The following MAGI1 variants were observed in gnomAD, a reference collection of about 807,000 sequenced individuals.
MAGI1 encodes the protein membrane-associated guanylate kinase, WW and PDZ domain-containing protein 1.
MAGI1 carries 58 observed loss-of-function variants against 139.9 expected under a neutral mutation model. The ratio of observed to expected loss-of-function variants is 0.41; its 90% CI spans 0.34 to 0.52. The LOEUF is 0.52. Among genes scored for constraint, MAGI1 ranks in the 20% least tolerant of loss-of-function variants. The probability of loss-of-function intolerance (pLI) is 0.12; values close to 1 mark genes in which losing one functional copy is unlikely to be tolerated. For missense variants in MAGI1, 1,874 were observed against 1,901.6 expected, an observed-to-expected ratio of 0.99 and a Z score of 0.27; for synonymous variants, 812 against 737.9, an observed-to-expected ratio of 1.10 and a Z score of -1.63.
chr3:65,484,559 A>T (rs182839197), intron 3 of MAGI1, among the ~76,000 whole-genome samples: 2 of 152,260 alleles, frequency 1.3e-5, no homozygotes, highest in Admixed American at 1.3e-4. Flanking sequence ...GACATCCAGC[A>T]TATCTGATTT....
chr3:65,770,607 C>T (rs2037868276), intron 1 of MAGI1, among the ~76,000 whole-genome samples: 1 of 152,134 alleles, frequency 6.6e-6, no homozygotes, highest in Non-Finnish European at 1.5e-5. Context: ...ATGAAAGATG[C>T]TTTTAATAGG....
intron 2 of MAGI1, among the ~76,000 whole-genome samples, chr3:65,609,375 T>C (rs530349460): frequency 6.8e-4 from 104 of 152,022 alleles, no homozygotes; most frequent in Admixed American, 1.4e-3. Flanking sequence ...CCTCCCAGGT[T>C]CAAGCAGTTC....
intron 13 of MAGI1, among the ~76,000 whole-genome samples, chr3:65,394,396 G>A (rs1483756287): frequency 2.0e-5 from 3 of 151,992 alleles, no homozygotes; most frequent in Admixed American, 6.6e-5. Flanking sequence ...ACCTCAAACT[G>A]GAAAATAAAA....
intron 2 of MAGI1, among the ~76,000 whole-genome samples, chr3:65,573,437 C>G (rs1482802197): frequency 2.0e-5 from 3 of 151,746 alleles, no homozygotes; most frequent in Admixed American, 2.0e-4. Context: ...ATTTATCACA[C>G]TAATAAATTA....
At chr3:65,668,032 G>T (rs1282233447) in intron 1 of MAGI1, among the ~76,000 whole-genome samples, 1 of 152,156 alleles carries the variant, frequency 6.6e-6, no homozygotes, top group East Asian at 1.9e-4. Context: ...TTTTCTGAGA[G>T]ATAATAGTAT....
chr3:65,482,151 G>C (rs1951330812), intron 3 of MAGI1, among the ~76,000 whole-genome samples: 1 of 152,200 alleles, frequency 6.6e-6, no homozygotes, highest in Non-Finnish European at 1.5e-5. Flanking sequence ...ACAGCTCAGA[G>C]TTGAAAGCCC....
chr3:65,895,804 G>C (rs2060945236), intron 1 of MAGI1, among the ~76,000 whole-genome samples: 1 of 152,028 alleles, frequency 6.6e-6, no homozygotes, highest in African/African-American at 2.4e-5. Flanking sequence ...TTCCTCAAAG[G>C]GACTTTTCAA....
In MAGI1 at chr3:65,469,454, T is replaced by C. The variant is rs536237811; in HGVS notation, c.959+829A>G. The stretch of plus-strand genomic sequence containing the variant: ...GTTGGTTAGGAAAACCACATTATCT[T>C]AGATTTTCCAGAATGGTTTCAAATG... On this transcript the variant is annotated intron_variant, in intron 5 of 22. Coordinates refer to ENST00000402939, the MANE Select transcript of MAGI1 (RefSeq NM_001033057.2). Among the ~76,000 whole-genome samples, 16 of 152,172 alleles carry C rather than the reference T, an allele frequency of 1.1e-4. No homozygotes were observed. The South Asian group carries it at 3.1e-3, about 30-fold the overall frequency.
At chr3:65,555,383 C>T (rs2080037344) in intron 2 of MAGI1, among the ~76,000 whole-genome samples, 2 of 152,216 alleles carry the variant, frequency 1.3e-5, no homozygotes, top group African/African-American at 4.8e-5. Flanking sequence ...TCAAATTCAT[C>T]TGCTCTTGTC....
At chr3:65,744,670 G>A (rs914346013) in intron 1 of MAGI1, among the ~76,000 whole-genome samples, 1 of 151,746 alleles carries the variant, frequency 6.6e-6, no homozygotes. Context: ...TGATAAGAAA[G>A]ACTGTCAGGA....
chr3:65,361,464 C>T (rs1940850376), intron 21 of MAGI1, 127 bp from the exon 22 acceptor site: 4 of 829,518 alleles, frequency 4.8e-6, no homozygotes, highest in Non-Finnish European at 7.6e-6. Context: ...ACAGAAATCC[C>T]TGCCCTCATG....
chr3:65,921,481 G>C (rs1252258834), intron 1 of MAGI1, among the ~76,000 whole-genome samples: 1 of 151,766 alleles, frequency 6.6e-6, no homozygotes, highest in South Asian at 2.1e-4. Context: ...GCTAATTTTT[G>C]TATTTTTTGG....
At chr3:65,435,248 G>A (rs1010966403) in intron 10 of MAGI1, among the ~76,000 whole-genome samples, 8 of 148,368 alleles carry the variant, frequency 5.4e-5, no homozygotes, top group African/African-American at 2.1e-4. Flanking sequence ...AGAGATATAA[G>A]GAAATAAGGA....
chr3:65,689,568 A>C (rs1019370694), intron 1 of MAGI1, among the ~76,000 whole-genome samples: 14 of 152,254 alleles, frequency 9.2e-5, no homozygotes, highest in African/African-American at 3.4e-4. Flanking sequence ...ACACCAAGGC[A>C]AAAGACACAT....
intron 1 of MAGI1, among the ~76,000 whole-genome samples, chr3:65,997,598 G>A (rs1447269270): frequency 1.3e-5 from 2 of 152,150 alleles, no homozygotes; most frequent in East Asian, 1.9e-4. Flanking sequence ...GGAGGTTGCA[G>A]TGAGCCGAGA....
At chr3:65,963,413 C>G (rs2064563404) in intron 1 of MAGI1, among the ~76,000 whole-genome samples, 1 of 151,718 alleles carries the variant, frequency 6.6e-6, no homozygotes. Flanking sequence ...GTCAAGAGAT[C>G]CAGACCATCC....
chr3:65,792,812 T>C lies in MAGI1; in HGVS notation c.314-170724A>G, dbSNP rs146850208. Among the ~76,000 whole-genome samples, 206 of 152,232 alleles carry C rather than the reference T, an allele frequency of 1.4e-3. 1 individual carries two copies. The highest frequency in any genetic ancestry group is 4.7e-3 in the African/African-American group (196 of 41,548). ...AATTGTTTATTTCTGAAAATTTCCA[T>C]TGGATATTTTCAGACCACAGTTGAC... On this transcript the variant is annotated intron_variant, in intron 1 of 22. Transcript: ENST00000402939.
At position 65,578,939 on chromosome 3, in the gene MAGI1, G is replaced by C. The variant is rs1329404811; in HGVS notation, c.430+43033C>G. On this transcript the variant is annotated intron_variant, in intron 2 of 22. Transcript: ENST00000402939. ...CTGTCTCCAAAGAGAGAGAGAGAGA[G>C]AGAGAGACAGAGAGAGAGAGAGAGA... is the stretch of plus-strand genomic sequence containing the variant. Among the ~76,000 whole-genome samples, 15 of 148,322 alleles carry C rather than the reference G, an allele frequency of 1.0e-4. No individual in the cohort carries two copies. The South Asian group carries it at 1.3e-3, about 13-fold the overall frequency.
At chr3:65,783,856 C>T (rs890471165) in intron 1 of MAGI1, among the ~76,000 whole-genome samples, 3 of 151,688 alleles carry the variant, frequency 2.0e-5, no homozygotes, top group Admixed American at 6.6e-5. Flanking sequence ...GGTGTGGTGG[C>T]CCTTGCCTGT....
Sources: allele counts gnomAD v4.1 joint callset (sites outside exome capture counted in the v4.1 genomes callset), GRCh38; gene constraint gnomAD v4.1.1; transcripts MANE v1.5; gene names NCBI Gene and HGNC (gene_info 2026-07-23, HGNC 2026-07-21).